The following CERK variants were observed in gnomAD, a reference collection of about 807,000 sequenced individuals.
The protein encoded by CERK is ceramide kinase.
A neutral mutation model predicts 63.4 loss-of-function variants in CERK; 39 were observed. The ratio of observed to expected loss-of-function variants is 0.61; its 90% CI spans 0.48 to 0.80. The LOEUF is 0.80. Ranked by LOEUF, CERK falls within the 30% of genes least tolerant of loss-of-function variation. The probability of loss-of-function intolerance (pLI) is 0.00; values close to 1 mark genes in which losing one functional copy is unlikely to be tolerated. For missense variants in CERK, 670 were observed against 714.1 expected (o/e 0.94, Z 0.70); for synonymous variants, 302 against 280.0 (o/e 1.08, Z -0.78).
chr22:46,725,061 G>T (rs150605038), intron 1 of CERK, among the ~76,000 whole-genome samples: 76 of 152,244 alleles, frequency 5.0e-4, no homozygotes, highest in Middle Eastern at 3.4e-3. Context: ...CAAGATGGAG[G>T]CTCTGCCTCC....
At position 46,738,182 on chromosome 22, in the gene CERK, C is replaced by G. The variant is rs988617023; in HGVS notation, c.-34G>C. 34 of 1,121,624 alleles carry G rather than the reference C, an allele frequency of 3.0e-5. 1 individual carries two copies. In the African/African-American group the frequency reaches 4.5e-4, roughly 15 times the overall value. The allele number at this position is 1,121,624 out of a possible 1,614,324, so 69.5% of individuals were successfully genotyped here. Reference sequence around the variant, plus strand: ...CCGGGCTCGTCCGCCAGGCTGGGGGCGCGCGGACGCCGAGGGGCGCCGGAC... The same window carrying G: ...CCGGGCTCGTCCGCCAGGCTGGGGGGGCGCGGACGCCGAGGGGCGCCGGAC... On this transcript the variant is annotated 5_prime_UTR_variant, in exon 1 of 13. Transcript: ENST00000216264.
intron 11 of CERK, among the ~76,000 whole-genome samples, chr22:46,691,084 C>CACACACAT (rs1488775318): frequency 6.6e-6 from 1 of 151,204 alleles, no homozygotes; most frequent in Non-Finnish European, 1.5e-5. Flanking sequence ...CACACACACA[C>CACACACAT]ATATATTTGA....
intron 9 of CERK, chr22:46,693,728 G>A (rs2082742861): frequency 2.1e-6 from 1 of 480,286 alleles, no homozygotes; most frequent in Non-Finnish European, 3.8e-6. Context: ...GACATGAGGA[G>A]AAGCACAGCA....
intron 3 of CERK, among the ~76,000 whole-genome samples, chr22:46,718,624 T>C (rs5769109): frequency 0.29 from 44,435 of 152,118 alleles, 8,533 homozygotes; most frequent in African/African-American, 0.55. Flanking sequence ...CTTCAAGCAA[T>C]GATGCTGCTC....
At chr22:46,690,331 G>T in intron 11 of CERK, 131 bp from the exon 12 acceptor site, 1 of 649,564 alleles carries the variant, frequency 1.5e-6, no homozygotes, top group Non-Finnish European at 2.6e-6. Flanking sequence ...CGGAGGATGC[G>T]ACTGCTTGTG....
chr22:46,715,546 C>T (rs1445885381), intron 3 of CERK, among the ~76,000 whole-genome samples: 3 of 152,134 alleles, frequency 2.0e-5, no homozygotes, highest in Non-Finnish European at 4.4e-5. Flanking sequence ...CTAGGTTGGG[C>T]ACAGTGGTTC....
At chr22:46,713,275 T>G (rs1414729788) in intron 3 of CERK, among the ~76,000 whole-genome samples, 1 of 150,368 alleles carries the variant, frequency 6.7e-6, no homozygotes, top group African/African-American at 2.4e-5. Flanking sequence ...GAGGCCGAGG[T>G]GGGCGGATCA....
At position 46,700,750 on chromosome 22, in the gene CERK, G is replaced by A. The variant is rs139933851; in HGVS notation, c.790+886C>T. 3.8e-3 allele frequency among the ~76,000 whole-genome samples: 572 copies of A among 151,490 alleles called. 1 individual carries two copies. The highest frequency in any genetic ancestry group is 0.013 in the African/African-American group (537 of 41,194). On this transcript the variant is annotated intron_variant, in intron 7 of 12. Coordinates refer to ENST00000216264, the MANE Select transcript of CERK (RefSeq NM_022766.6). The stretch of plus-strand genomic sequence containing the variant: ...ATCCTGACCAGGTGCTGTGGCTTAC[G>A]CCTGTAATCCCAACACTTTGGAAGG...
chr22:46,737,929 G>T, intron 1 of CERK, 78 bp downstream of exon 1: 1 of 1,019,884 alleles, frequency 9.8e-7, no homozygotes, highest in Non-Finnish European at 1.2e-6. Context: ...CCTGCACCCG[G>T]TCCCCCCAGC....
chr22:46,724,047 C>T (rs1326543784), intron 1 of CERK, among the ~76,000 whole-genome samples: 3 of 152,094 alleles, frequency 2.0e-5, no homozygotes, highest in African/African-American at 7.2e-5. Flanking sequence ...TCTTGCCTCC[C>T]CTTCCACCTC....
intron 5 of CERK, among the ~76,000 whole-genome samples, chr22:46,708,565 C>T (rs921528554): frequency 1.3e-5 from 2 of 152,118 alleles, no homozygotes; most frequent in South Asian, 2.1e-4. Context: ...GGAATAAATG[C>T]GGACAAAATG....
chr22:46,725,084 G>A (rs756502424), intron 1 of CERK, among the ~76,000 whole-genome samples: 5 of 152,042 alleles, frequency 3.3e-5, no homozygotes, highest in Non-Finnish European at 5.9e-5. Flanking sequence ...CCTCCTTCAG[G>A]CCATTGTCCC....
chr22:46,728,058 G>A (rs943417136), intron 1 of CERK, among the ~76,000 whole-genome samples: 2 of 152,142 alleles, frequency 1.3e-5, no homozygotes, highest in African/African-American at 2.4e-5. Context: ...ACACACCTGC[G>A]CAGCCCCTGT....
intron 12 of CERK, 83 bp from the exon 13 acceptor site, chr22:46,687,289 C>T: frequency 5.7e-6 from 3 of 527,818 alleles, no homozygotes; most frequent in East Asian, 1.2e-4. Context: ...ACAGGGGCTG[C>T]AGTAAACCCC....
chr22:46,728,532 T>C (rs754337185), intron 1 of CERK, among the ~76,000 whole-genome samples: 1 of 152,192 alleles, frequency 6.6e-6, no homozygotes, highest in Non-Finnish European at 1.5e-5. Context: ...GAGGATCCCA[T>C]TGGGTGTGAA....
chr22:46,730,560 T>C (rs572194346), intron 1 of CERK, among the ~76,000 whole-genome samples: 67 of 152,206 alleles, frequency 4.4e-4, no homozygotes, highest in African/African-American at 1.6e-3. Flanking sequence ...AGAGGAATAG[T>C]GAAGTTGAAA....
At chr22:46,708,493 C>T (rs1453033524) in intron 5 of CERK, among the ~76,000 whole-genome samples, 1 of 152,246 alleles carries the variant, frequency 6.6e-6, no homozygotes, top group East Asian at 1.9e-4. Context: ...GACTCTAGCT[C>T]AGGCAGCAAA....
At chr22:46,695,081 C>T (rs570591645) in intron 9 of CERK, 129 bp downstream of exon 9, 5 of 602,664 alleles carry the variant, frequency 8.3e-6, no homozygotes, top group South Asian at 3.8e-5. Flanking sequence ...TCATAGGCAT[C>T]GTGTGTCTGG....
At chr22:46,689,962 C>A in intron 12 of CERK, 30 bp downstream of exon 12, 1 of 1,549,194 alleles carries the variant, frequency 6.5e-7, no homozygotes, top group South Asian at 1.1e-5. Context: ...AAGGGGATGG[C>A]GCTGGTGGCT....
Sources: allele counts gnomAD v4.1 joint callset (sites outside exome capture counted in the v4.1 genomes callset), GRCh38; gene constraint gnomAD v4.1.1; transcripts MANE v1.5; gene names NCBI Gene and HGNC (gene_info 2026-07-23, HGNC 2026-07-21).